STIM1: variants seen among roughly 807,000 people sequenced by gnomAD.
STIM1 encodes stromal interaction molecule 1.
Under a neutral mutation model 74.7 loss-of-function variants are expected in STIM1, and 25 were observed. That is an observed-to-expected ratio of 0.33 (90% CI 0.24 to 0.47). The LOEUF is 0.47. Among genes scored for constraint, STIM1 ranks in the 20% least tolerant of loss-of-function variants. STIM1 has a pLI of 1.00. For synonymous variants in STIM1, 328 were observed against 348.8 expected (o/e 0.94, Z 0.66); for missense variants, 728 against 920.8 (o/e 0.79, Z 2.71).
At chr11:3,868,530 G>C (rs2135252610) in intron 1 of STIM1, among the ~76,000 whole-genome samples, 1 of 152,344 alleles carries the variant, frequency 6.6e-6, no homozygotes, top group East Asian at 1.9e-4. Context: ...ACAGCTATCT[G>C]AGTTTAGAAT....
chr11:4,059,888 GAAGT>G (rs2094318862), intron 5 of STIM1, among the ~76,000 whole-genome samples: 1 of 152,232 alleles, frequency 6.6e-6, no homozygotes, highest in Non-Finnish European at 1.5e-5. Flanking sequence ...CTCAGGGATA[GAAGT>G]AACCCCCTAT....
intron 1 of STIM1, among the ~76,000 whole-genome samples, chr11:3,965,815 G>A (rs1435082998): frequency 6.6e-6 from 1 of 152,136 alleles, no homozygotes; most frequent in Non-Finnish European, 1.5e-5. Flanking sequence ...AGACTGGCCT[G>A]GCCAACATGC....
intron 1 of STIM1, among the ~76,000 whole-genome samples, chr11:3,860,985 G>A (rs2090573197): frequency 6.6e-6 from 1 of 152,144 alleles, no homozygotes; most frequent in African/African-American, 2.4e-5. Context: ...AGCGATCTGT[G>A]TGGGCTGGGC....
chr11:3,880,921 A>G (rs1324378056), intron 1 of STIM1, among the ~76,000 whole-genome samples: 3 of 152,276 alleles, frequency 2.0e-5, no homozygotes, highest in East Asian at 1.9e-4. Flanking sequence ...CACACAGGAA[A>G]TGACTAGAAA....
At chr11:3,952,489 A>G (rs1166219520) in intron 1 of STIM1, among the ~76,000 whole-genome samples, 2 of 151,208 alleles carry the variant, frequency 1.3e-5, no homozygotes, top group South Asian at 2.1e-4. Flanking sequence ...GAGCTTTACT[A>G]TTTTTCAAAA....
chr11:3,906,400 C>A (rs911313402), intron 1 of STIM1, among the ~76,000 whole-genome samples: 4 of 152,204 alleles, frequency 2.6e-5, no homozygotes, highest in Non-Finnish European at 4.4e-5. Flanking sequence ...GTATCCTGAG[C>A]AGCTAGCATA....
At chr11:3,857,727 G>C (rs1289198923) in intron 1 of STIM1, among the ~76,000 whole-genome samples, 1 of 152,144 alleles carries the variant, frequency 6.6e-6, no homozygotes, top group Non-Finnish European at 1.5e-5. Flanking sequence ...ATACAAGTCA[G>C]AAAAGGAAAT....
intron 1 of STIM1, among the ~76,000 whole-genome samples, chr11:3,943,442 G>A (rs1052642217): frequency 6.6e-5 from 10 of 152,160 alleles, no homozygotes; most frequent in Non-Finnish European, 1.5e-4. Flanking sequence ...TTACCTCCAT[G>A]CAATGCCTCT....
intron 2 of STIM1, among the ~76,000 whole-genome samples, chr11:4,005,101 G>A (rs1034115505): frequency 2.0e-5 from 3 of 152,196 alleles, no homozygotes; most frequent in Non-Finnish European, 4.4e-5. Context: ...TGGAGAGGAT[G>A]TGGAATAATA....
At chr11:4,015,161 T>G (rs2093883432) in intron 2 of STIM1, among the ~76,000 whole-genome samples, 1 of 152,108 alleles carries the variant, frequency 6.6e-6, no homozygotes, top group Non-Finnish European at 1.5e-5. Context: ...TCTTTACAAT[T>G]TGGCATATTT....
At chr11:3,895,466 T>TA (rs1476237303) in intron 1 of STIM1, among the ~76,000 whole-genome samples, 1 of 152,174 alleles carries the variant, frequency 6.6e-6, no homozygotes, top group Non-Finnish European at 1.5e-5. Context: ...TTTGGTCACT[T>TA]ACCCACATTT....
chr11:3,976,992 G>A (rs1033235375), intron 2 of STIM1, among the ~76,000 whole-genome samples: 9 of 151,716 alleles, frequency 5.9e-5, no homozygotes, highest in African/African-American at 1.2e-4. Flanking sequence ...ATGGGGTTTC[G>A]CCATGTTGGT....
intron 2 of STIM1, chr11:3,973,820 CT>C (rs1235564465): frequency 2.7e-6 from 1 of 364,034 alleles, no homozygotes; most frequent in East Asian, 5.1e-5. Context: ...CTCAAACGAT[CT>C]TCCTGTCTCA....
chr11:3,998,309 A>T lies in STIM1; in HGVS notation c.271-25564A>T, dbSNP rs575419688. 4.6e-5 allele frequency among the ~76,000 whole-genome samples: 7 copies of T among 152,326 alleles called. No homozygotes were observed. The East Asian group carries it at 1.3e-3, about 29-fold the overall frequency. ...CAGCCAGGTCTAGAATCAAACTCTA[A>T]AGTATCATGTTACATTGAATCCAAG... On this transcript the variant is annotated intron_variant, in intron 2 of 12. Transcript: ENST00000526596.
In STIM1 at chr11:4,091,949, A is replaced by G; in HGVS notation, c.*151A>G. On this transcript the variant is annotated 3_prime_UTR_variant, in exon 13 of 13. Coordinates refer to ENST00000526596, the MANE Select transcript of STIM1 (RefSeq NM_001382567.1). ...GGGCACTGTACATACCTGCCCCCTC[A>G]TCCTTGGGTCCTTCATTATTATTTA... The G allele has an allele frequency of 3.9e-6, 4 of 1,033,840 alleles. No homozygotes were observed. The highest frequency in any genetic ancestry group is 5.7e-6 in the Non-Finnish European group (4 of 699,252). The allele number at this position is 1,033,840 out of a possible 1,614,324, so 64.0% of individuals were successfully genotyped here. A position where few individuals can be genotyped will look rare whatever the true frequency, so the allele number is the denominator to read the frequency against.
At chr11:4,038,555 A>G (rs1244875118) in intron 3 of STIM1, among the ~76,000 whole-genome samples, 2 of 152,084 alleles carry the variant, frequency 1.3e-5, no homozygotes, top group East Asian at 1.9e-4. Flanking sequence ...TTTGTTTCCT[A>G]TCTCTCAAGA....
chr11:4,013,950 G>A (rs1024199218), intron 2 of STIM1, among the ~76,000 whole-genome samples: 1 of 151,630 alleles, frequency 6.6e-6, no homozygotes, highest in African/African-American at 2.4e-5. Flanking sequence ...CTCGTGATCC[G>A]CCCGTGTTGG....
chr11:4,033,262 C>T (rs968216313), intron 3 of STIM1, among the ~76,000 whole-genome samples: 3 of 152,042 alleles, frequency 2.0e-5, no homozygotes, highest in Non-Finnish European at 4.4e-5. Flanking sequence ...TTACTGTAGC[C>T]TTGTAGTATA....
chr11:3,986,158 C>CA (rs371074374), intron 2 of STIM1, among the ~76,000 whole-genome samples: 67 of 148,672 alleles, frequency 4.5e-4, no homozygotes, highest in South Asian at 1.7e-3. Flanking sequence ...ATTACTGAGG[C>CA]AAAAAAAAAT....
Sources: allele counts gnomAD v4.1 joint callset (sites outside exome capture counted in the v4.1 genomes callset), GRCh38; gene constraint gnomAD v4.1.1; transcripts MANE v1.5; gene names NCBI Gene and HGNC (gene_info 2026-07-23, HGNC 2026-07-21).